ASTN2: variants seen among roughly 807,000 people sequenced by gnomAD.
The protein encoded by ASTN2 is astrotactin-2.
ASTN2 carries 54 observed loss-of-function variants against 139.8 expected under a neutral mutation model. The ratio of observed to expected loss-of-function variants is 0.39; its 90% confidence interval spans 0.31 to 0.48. The LOEUF (loss-of-function observed/expected upper bound fraction) is 0.48, where lower values mean the gene tolerates loss of function less well. ASTN2 is among the 20% of genes least tolerant of loss of function. ASTN2 has a pLI of 0.95. For synonymous variants in ASTN2, 756 were observed against 719.5 expected (o/e 1.05, Z -0.81); for missense variants, 1,565 against 1,725.1 (o/e 0.91, Z 1.64).
At chr9:117,364,251 C>T (rs1464655472) in intron 1 of ASTN2, among the ~76,000 whole-genome samples, 1 of 152,140 alleles carries the variant, frequency 6.6e-6, no homozygotes, top group African/African-American at 2.4e-5. Flanking sequence ...GTGACTTGTT[C>T]AAGGTCTTAG....
At chr9:117,324,985 C>A (rs1356191155) in intron 1 of ASTN2, among the ~76,000 whole-genome samples, 2 of 152,074 alleles carry the variant, frequency 1.3e-5, no homozygotes, top group Admixed American at 1.3e-4. Context: ...CTTGTCTAGG[C>A]CCCTAAAGCT....
rs751928181 is a variant in ASTN2, at chr9:117,060,446, A to AAG, written c.1277-20483_1277-20482dup. Among the ~76,000 whole-genome samples, 14 of 52,328 alleles carry AAG rather than the reference A, an allele frequency of 2.7e-4. 2 individuals carry two copies. In the East Asian group the frequency reaches 0.011, roughly 43 times the overall value. 34.3% of individuals were successfully genotyped at this position (52,328 alleles called of 152,430 possible). A position where few individuals can be genotyped will look rare whatever the true frequency, so the allele number is the denominator to read the frequency against. On this transcript the variant is annotated intron_variant, in intron 5 of 22. Coordinates refer to ENST00000313400, the MANE Select transcript of ASTN2 (RefSeq NM_001365068.1). ...AGGAAGGAAGGAAGAGAGAGAGAGA[A>AAG]AGAAAGAAAGAAAGGAAGGAAGGAA...
chr9:116,671,980 G>C (rs551533534), intron 16 of ASTN2, among the ~76,000 whole-genome samples: 3 of 152,014 alleles, frequency 2.0e-5, no homozygotes, highest in African/African-American at 7.2e-5. Flanking sequence ...CTGTGAGAGG[G>C]GAAAAAAAGT....
intron 11 of ASTN2, among the ~76,000 whole-genome samples, chr9:116,837,445 T>G (rs1235561474): frequency 1.3e-5 from 2 of 152,160 alleles, no homozygotes; most frequent in African/African-American, 4.8e-5. Context: ...CCTGGAGGAT[T>G]CCCATAGGTT....
At chr9:117,347,354 G>A (rs1829251123) in intron 1 of ASTN2, among the ~76,000 whole-genome samples, 1 of 151,922 alleles carries the variant, frequency 6.6e-6, no homozygotes, top group South Asian at 2.1e-4. Context: ...TCCTGATTTA[G>A]TCTCTCATTT....
At chr9:117,410,620 C>A (rs1831133334) in intron 1 of ASTN2, among the ~76,000 whole-genome samples, 1 of 152,190 alleles carries the variant, frequency 6.6e-6, no homozygotes, top group South Asian at 2.1e-4. Flanking sequence ...CAGATCCTAA[C>A]CAGCGTTAAA....
chr9:117,364,639 A>G (rs1221434756), intron 1 of ASTN2, among the ~76,000 whole-genome samples: 2 of 152,186 alleles, frequency 1.3e-5, no homozygotes, highest in Non-Finnish European at 2.9e-5. Flanking sequence ...TCAGGACTCA[A>G]AGGTCTGGCA....
chr9:116,880,925 C>A (rs540440589), intron 10 of ASTN2, among the ~76,000 whole-genome samples: 1 of 152,234 alleles, frequency 6.6e-6, no homozygotes, highest in South Asian at 2.1e-4. Flanking sequence ...GCTGAGTAGA[C>A]ACATATTATA....
chr9:117,007,602 C>A (rs778954660), intron 7 of ASTN2, among the ~76,000 whole-genome samples: 1 of 152,190 alleles, frequency 6.6e-6, no homozygotes, highest in Admixed American at 6.5e-5. Context: ...TTGATCACTG[C>A]TGTCTTCCCA....
At chr9:116,794,246 G>A (rs189599342) in intron 13 of ASTN2, among the ~76,000 whole-genome samples, 17 of 151,788 alleles carry the variant, frequency 1.1e-4, no homozygotes, top group Admixed American at 1.0e-3. Flanking sequence ...TTACAGGCAG[G>A]CGCCACCAAG....
At chr9:116,478,309 G>A (rs2119044112) in intron 20 of ASTN2, among the ~76,000 whole-genome samples, 1 of 151,940 alleles carries the variant, frequency 6.6e-6, no homozygotes, top group Non-Finnish European at 1.5e-5. Flanking sequence ...ATGAAGAATG[G>A]AGGGAGGAAA....
chr9:116,444,168 T>C (rs1232335291), intron 20 of ASTN2, among the ~76,000 whole-genome samples: 3 of 152,154 alleles, frequency 2.0e-5, no homozygotes, highest in Non-Finnish European at 2.9e-5. Flanking sequence ...TAGTAATTAC[T>C]AGGACTGGCA....
At chr9:116,492,694 T>A (rs1849553574) in intron 19 of ASTN2, among the ~76,000 whole-genome samples, 1 of 152,186 alleles carries the variant, frequency 6.6e-6, no homozygotes, top group African/African-American at 2.4e-5. Context: ...ATGAATGTGA[T>A]ATACAGTCCC....
chr9:116,664,091 C>G (rs1858722050), intron 16 of ASTN2, among the ~76,000 whole-genome samples: 1 of 152,078 alleles, frequency 6.6e-6, no homozygotes, highest in Admixed American at 6.6e-5. Flanking sequence ...TATGGACAAT[C>G]AATAGGTAAT....
intron 3 of ASTN2, among the ~76,000 whole-genome samples, chr9:117,210,285 A>G (rs528409081): frequency 6.6e-6 from 1 of 152,260 alleles, no homozygotes; most frequent in Admixed American, 6.5e-5. Flanking sequence ...AACAAAATTG[A>G]TGAACTAATA....
At chr9:116,906,248 T>C (rs1834156727) in intron 10 of ASTN2, among the ~76,000 whole-genome samples, 1 of 152,152 alleles carries the variant, frequency 6.6e-6, no homozygotes, top group Non-Finnish European at 1.5e-5. Context: ...GTGTGCAAGA[T>C]AGTCACACTT....
chr9:116,481,526 G>T (rs1262385232), intron 20 of ASTN2, among the ~76,000 whole-genome samples: 1 of 152,224 alleles, frequency 6.6e-6, no homozygotes, highest in Non-Finnish European at 1.5e-5. Flanking sequence ...GGTAGGGGAT[G>T]CAGATTCACA....
intron 7 of ASTN2, among the ~76,000 whole-genome samples, chr9:117,004,709 AAGCC>A (rs1215233738): frequency 1.3e-5 from 2 of 152,192 alleles, no homozygotes; most frequent in African/African-American, 4.8e-5. Context: ...TTTTTCGTGC[AAGCC>A]AGCCAGACTC....
intron 4 of ASTN2, among the ~76,000 whole-genome samples, chr9:117,100,854 G>T (rs191564059): frequency 2.0e-5 from 3 of 152,192 alleles, no homozygotes; most frequent in Non-Finnish European, 2.9e-5. Context: ...TTCTATATTT[G>T]TTTATCCATG....
Sources: allele counts gnomAD v4.1 joint callset (sites outside exome capture counted in the v4.1 genomes callset), GRCh38; gene constraint gnomAD v4.1.1; transcripts MANE v1.5; gene names NCBI Gene and HGNC (gene_info 2026-07-23, HGNC 2026-07-21).